RORA: variants seen among roughly 807,000 people sequenced by gnomAD.
RORA encodes RAR related orphan receptor A.
In RORA, 7 loss-of-function variants were observed where a neutral mutation model predicts 69.5. That is an observed-to-expected ratio of 0.10 (90% CI 0.06 to 0.19). RORA has a LOEUF of 0.19. RORA is among the 10% of genes least tolerant of loss of function. The pLI, the probability that RORA is intolerant of heterozygous loss-of-function variation, is 1.00. For synonymous variants in RORA, 261 were observed against 240.8 expected, an observed-to-expected ratio of 1.08 and a Z score of -0.78; for missense variants, 457 against 663.0, an observed-to-expected ratio of 0.69 and a Z score of 3.41.
chr15:60,737,328 A>C (rs997611338), intron 1 of RORA, among the ~76,000 whole-genome samples: 1 of 152,202 alleles, frequency 6.6e-6, no homozygotes, highest in African/African-American at 2.4e-5. Context: ...CCTATGTCTA[A>C]AATTCATTAC....
chr15:61,098,688 A>T (rs2078834262), intron 1 of RORA, among the ~76,000 whole-genome samples: 1 of 152,206 alleles, frequency 6.6e-6, no homozygotes, highest in Non-Finnish European at 1.5e-5. Context: ...TGTATCGACA[A>T]GGGAATGTGG....
intron 2 of RORA, among the ~76,000 whole-genome samples, chr15:60,674,152 C>G (rs538329503): frequency 7.2e-5 from 11 of 152,298 alleles, no homozygotes; most frequent in Admixed American, 7.2e-4. Flanking sequence ...CCACGGAAAC[C>G]TACTAACTAT....
intron 1 of RORA, among the ~76,000 whole-genome samples, chr15:60,876,527 T>A (rs2073618378): frequency 6.6e-6 from 1 of 152,216 alleles, no homozygotes; most frequent in African/African-American, 2.4e-5. Flanking sequence ...CACATTTTTT[T>A]AAAACCTTCG....
intron 1 of RORA, among the ~76,000 whole-genome samples, chr15:60,869,824 ATCC>A (rs1236037082): frequency 6.6e-6 from 1 of 152,184 alleles, no homozygotes; most frequent in Non-Finnish European, 1.5e-5. Flanking sequence ...ACGTTTTGCC[ATCC>A]TCCTCTTGTT....
chr15:61,051,047 G>A (rs1007973829), intron 1 of RORA, among the ~76,000 whole-genome samples: 3 of 152,170 alleles, frequency 2.0e-5, no homozygotes, highest in African/African-American at 7.2e-5. Flanking sequence ...CTGACACACA[G>A]CCCATGTTTG....
At chr15:60,854,133 G>A (rs1035043356) in intron 1 of RORA, among the ~76,000 whole-genome samples, 7 of 152,050 alleles carry the variant, frequency 4.6e-5, no homozygotes, top group Non-Finnish European at 7.4e-5. Flanking sequence ...ATGGTGGTGC[G>A]CATCTGTAGG....
In RORA at chr15:60,597,635, T is replaced by C. The variant is rs867957125; in HGVS notation, c.197-65784A>G. On this transcript the variant is annotated intron_variant, in intron 2 of 10. Coordinates refer to ENST00000335670, the MANE Select transcript of RORA (RefSeq NM_134261.3). ...ATATATATACATACATATATATACA[T>C]ATATATATATATATGTAAGCAAACA... 3.0e-4 allele frequency among the ~76,000 whole-genome samples: 25 copies of C among 82,996 alleles called. 3 individuals are homozygous for C. Among genetic ancestry groups the C allele is most frequent in the Non-Finnish European group, 4.6e-4 (20 of 43,220 alleles). 54.4% of individuals were successfully genotyped at this position (82,996 alleles called of 152,430 possible).
intron 2 of RORA, among the ~76,000 whole-genome samples, chr15:60,673,777 C>T (rs2070510413): frequency 6.6e-6 from 1 of 152,170 alleles, no homozygotes; most frequent in Admixed American, 6.5e-5. Context: ...TCTTTACTTA[C>T]AACTAGTCTG....
At chr15:61,103,741 A>C (rs2078912789) in intron 1 of RORA, among the ~76,000 whole-genome samples, 1 of 152,184 alleles carries the variant, frequency 6.6e-6, no homozygotes, top group Admixed American at 6.5e-5. Context: ...CAGCAGATAA[A>C]GACCTTTATG....
chr15:60,642,868 A>G (rs1159273128), intron 2 of RORA, among the ~76,000 whole-genome samples: 1 of 152,046 alleles, frequency 6.6e-6, no homozygotes, highest in Non-Finnish European at 1.5e-5. Context: ...AGAGAGAGAC[A>G]CTGTCTTTAA....
rs549845757 is a variant in RORA, at chr15:61,096,611, C to T, written c.166+132442G>A. Among the ~76,000 whole-genome samples, 45 of 152,296 alleles carry T rather than the reference C, an allele frequency of 3.0e-4. 1 individual carries two copies. The South Asian group carries it at 5.0e-3, about 17-fold the overall frequency. On this transcript the variant is annotated intron_variant, in intron 1 of 10. Coordinates refer to ENST00000335670, the MANE Select transcript of RORA (RefSeq NM_134261.3). Reference sequence around the variant, plus strand: ...CCCATTTCAGAGATGGGGAAACTGACTTGTCCAAGCTTCCAGGGATGAGAC... The same window carrying T: ...CCCATTTCAGAGATGGGGAAACTGATTTGTCCAAGCTTCCAGGGATGAGAC...
intron 1 of RORA, among the ~76,000 whole-genome samples, chr15:60,892,650 G>T (rs1160300544): frequency 2.0e-5 from 3 of 152,202 alleles, no homozygotes. Flanking sequence ...AGTAGAGGAA[G>T]TTGAAGCCAC....
chr15:61,227,577 TG>T lies in RORA; in HGVS notation c.166+1475del, dbSNP rs373409405. ...GCCTGGACAGGGGGTGTGGCTAAGG[TG>T]GGGGGGGGGATACTGTAAAACAGCC... On this transcript the variant is annotated intron_variant, in intron 1 of 10. Transcript: ENST00000335670. Among the ~76,000 whole-genome samples, 208 of 132,212 alleles carry T rather than the reference TG, an allele frequency of 1.6e-3. 1 individual carries two copies. Among genetic ancestry groups the T allele is most frequent in the Middle Eastern group, 7.8e-3 (2 of 258 alleles). 86.7% of individuals were successfully genotyped at this position (132,212 alleles called of 152,430 possible). A position where few individuals can be genotyped will look rare whatever the true frequency, so the allele number is the denominator to read the frequency against.
intron 1 of RORA, among the ~76,000 whole-genome samples, chr15:61,185,933 T>C (rs2079737045): frequency 1.3e-5 from 2 of 152,154 alleles, no homozygotes; most frequent in South Asian, 4.1e-4. Context: ...CCTGTTTCTC[T>C]ACTGGATAAA....
At chr15:60,864,969 T>G (rs986079988) in intron 1 of RORA, among the ~76,000 whole-genome samples, 1 of 152,184 alleles carries the variant, frequency 6.6e-6, no homozygotes, top group African/African-American at 2.4e-5. Context: ...GCCTCTTCCT[T>G]TGGGGAACAG....
At chr15:61,054,810 T>C (rs2078068292) in intron 1 of RORA, among the ~76,000 whole-genome samples, 1 of 142,734 alleles carries the variant, frequency 7.0e-6, no homozygotes, top group Admixed American at 7.1e-5. Flanking sequence ...CAGTTTTTTT[T>C]TGTTTTTTGT....
At chr15:61,202,023 T>G (rs937421849) in intron 1 of RORA, among the ~76,000 whole-genome samples, 1 of 151,498 alleles carries the variant, frequency 6.6e-6, no homozygotes, top group Non-Finnish European at 1.5e-5. Context: ...TTTTTTTTTT[T>G]TTGAGACGGA....
chr15:61,116,193 G>A (rs766694590), intron 1 of RORA, among the ~76,000 whole-genome samples: 1 of 152,178 alleles, frequency 6.6e-6, no homozygotes, highest in Non-Finnish European at 1.5e-5. Context: ...TAATCATTCA[G>A]GTGTGGTACA....
chr15:60,505,460 T>TC (rs759271535), intron 6 of RORA, 48 bp downstream of exon 6: 4 of 1,601,200 alleles, frequency 2.5e-6, no homozygotes, highest in Non-Finnish European at 3.4e-6. Context: ...ACCAACACCC[T>TC]TCCCAATATT....
Sources: allele counts gnomAD v4.1 joint callset (sites outside exome capture counted in the v4.1 genomes callset), GRCh38; gene constraint gnomAD v4.1.1; transcripts MANE v1.5; gene names NCBI Gene and HGNC (gene_info 2026-07-23, HGNC 2026-07-21).